The following NAALADL2 variants were observed in gnomAD, a reference collection of about 807,000 sequenced individuals.
The protein encoded by NAALADL2 is inactive N-acetylated-alpha-linked acidic dipeptidase-like protein 2.
Under a neutral mutation model 87.2 loss-of-function variants are expected in NAALADL2, and 76 were observed. The observed-to-expected ratio is 0.87, with a 90% CI of 0.72 to 1.05. NAALADL2 has a LOEUF of 1.05. Among genes scored for constraint, NAALADL2 ranks in the 50% least tolerant of loss-of-function variants. The pLI is 0.00. For missense variants in NAALADL2, 1,089 were observed against 945.8 expected (o/e 1.15, Z -1.99); for synonymous variants, 354 against 331.0 (o/e 1.07, Z -0.75).
At chr3:175,337,551 T>C (rs2148824531) in intron 5 of NAALADL2, among the ~76,000 whole-genome samples, 1 of 152,078 alleles carries the variant, frequency 6.6e-6, no homozygotes, top group East Asian at 1.9e-4. Flanking sequence ...AAAATATGGT[T>C]ATCTACAAGG....
chr3:175,173,120 G>A (rs1735107197), intron 2 of NAALADL2, among the ~76,000 whole-genome samples: 1 of 151,542 alleles, frequency 6.6e-6, no homozygotes, highest in Admixed American at 6.6e-5. Flanking sequence ...GCTAAACCTA[G>A]TCTCTACCCA....
rs183519383 is a variant in NAALADL2, at chr3:175,209,741, G to A, written c.546-24190G>A. On this transcript the variant is annotated intron_variant, in intron 2 of 13. Transcript: ENST00000454872. ...TATATACTTGGTGTATATTTATGAA[G>A]AGCAGAAGGTCCTCATAAATGATGG... Among the ~76,000 whole-genome samples the A allele has an allele frequency of 2.3e-3, 352 of 151,616 alleles. 2 individuals carry two copies. Among genetic ancestry groups the A allele is most frequent in the African/African-American group, 8.2e-3 (338 of 41,384 alleles).
intron 2 of NAALADL2, among the ~76,000 whole-genome samples, chr3:175,194,972 T>C (rs1339262914): frequency 6.6e-6 from 1 of 151,726 alleles, no homozygotes; most frequent in Non-Finnish European, 1.5e-5. Context: ...TTAATCAATG[T>C]AGTATTATTC....
At chr3:174,704,530 A>C (rs1729875283) in intron 2 of NAALADL2, among the ~76,000 whole-genome samples, 1 of 152,138 alleles carries the variant, frequency 6.6e-6, no homozygotes, top group African/African-American at 2.4e-5. Context: ...TCATAATACC[A>C]AAATAACTAA....
At position 175,809,740 on chromosome 3, in the gene NAALADL2, T is replaced by C. The variant is rs1043501130; in HGVS notation, c.*6537T>C. ...ACATGCTGTTGATAGTAGTTTTATA[T>C]GTATTTGGAATGTTAATATGGGACA... On this transcript the variant is annotated 3_prime_UTR_variant, in exon 14 of 14. Transcript: ENST00000454872. 2.6e-5 allele frequency: 4 copies of C among 151,888 alleles called. No individual in the cohort carries two copies. Among genetic ancestry groups the C allele is most frequent in the African/African-American group, 4.8e-5 (2 of 41,406 alleles). The allele number at this position is 151,888 out of a possible 1,614,324, so 9.4% of individuals were successfully genotyped here.
intron 1 of NAALADL2, among the ~76,000 whole-genome samples, chr3:174,965,375 C>T (rs1553905307): frequency 6.6e-6 from 1 of 152,030 alleles, no homozygotes; most frequent in Non-Finnish European, 1.5e-5. Flanking sequence ...TCACTTCTGT[C>T]CTATTCTATT....
intron 1 of NAALADL2, among the ~76,000 whole-genome samples, chr3:174,973,237 T>C (rs1228525548): frequency 6.6e-6 from 1 of 152,140 alleles, no homozygotes; most frequent in Non-Finnish European, 1.5e-5. Context: ...AACCAAAACA[T>C]TTTCAATTTT....
intron 1 of NAALADL2, among the ~76,000 whole-genome samples, chr3:174,940,274 G>A (rs1413641337): frequency 6.6e-6 from 1 of 152,102 alleles, no homozygotes; most frequent in African/African-American, 2.4e-5. Flanking sequence ...TAATCATGTG[G>A]TTTTTGTCTT....
rs1388555708 is a variant in NAALADL2, at chr3:174,531,916, TA to T, written c.-183-18652del. ...TTTACAAGAAATAAGGACTTGTCTG[TA>T]GAAATACATTTCAAAATATTAAAGT... On this transcript the variant is annotated intron_variant, in intron 1 of 3. Coordinates refer to the NAALADL2 transcript ENST00000434257. Among the ~76,000 whole-genome samples, 11 of 152,302 alleles carry T rather than the reference TA, an allele frequency of 7.2e-5. No homozygotes were observed. In the Middle Eastern group the frequency reaches 0.014, roughly 188 times the overall value.
intron 3 of NAALADL2, among the ~76,000 whole-genome samples, chr3:174,797,734 A>T (rs924557872): frequency 7.9e-5 from 12 of 152,188 alleles, no homozygotes; most frequent in Admixed American, 2.0e-4. Context: ...TCCAGCCTCC[A>T]GAAATGAGAG....
chr3:174,760,871 AC>A (rs1438268080), intron 3 of NAALADL2, among the ~76,000 whole-genome samples: 1 of 152,164 alleles, frequency 6.6e-6, no homozygotes, highest in Non-Finnish European at 1.5e-5. Context: ...TTTACTTCCA[AC>A]TTTTATTCTT....
intron 13 of NAALADL2, among the ~76,000 whole-genome samples, chr3:175,767,347 A>C (rs1748844548): frequency 6.6e-6 from 1 of 152,160 alleles, no homozygotes; most frequent in Admixed American, 6.5e-5. Context: ...TACATGATTT[A>C]ATGTGCAATT....
chr3:175,397,256 C>T (rs192178139), intron 5 of NAALADL2: 102 of 152,132 alleles, frequency 6.7e-4, no homozygotes, highest in Middle Eastern at 3.4e-3. Context: ...AAAAAATATG[C>T]TTCACAAATT....
At chr3:175,567,842 A>C (rs971334957) in intron 9 of NAALADL2, among the ~76,000 whole-genome samples, 6 of 151,624 alleles carry the variant, frequency 4.0e-5, no homozygotes, top group African/African-American at 1.5e-4. Flanking sequence ...CTACCTCCCG[A>C]GTAGCTGGGA....
At chr3:175,769,299 G>A (rs958748166) in intron 13 of NAALADL2, among the ~76,000 whole-genome samples, 1 of 152,130 alleles carries the variant, frequency 6.6e-6, no homozygotes, top group African/African-American at 2.4e-5. Flanking sequence ...TATTGGGAAG[G>A]AACACAGAAT....
Position 175,450,910 on chromosome 3 carries a change from G to T in NAALADL2, c.1234+3538G>T, listed in dbSNP as rs1278066526. Among the ~76,000 whole-genome samples, 4 of 152,066 alleles carry T rather than the reference G, an allele frequency of 2.6e-5. 1 individual carries two copies. Among genetic ancestry groups the T allele is most frequent in the African/African-American group, 7.2e-5 (3 of 41,408 alleles). ...GTGAACAAGAAACCATGTAGCTCTG[G>T]GATCTTTCTCTAGCCATCTTAAGAC... On this transcript the variant is annotated intron_variant, in intron 6 of 13. Transcript: ENST00000454872.
At chr3:174,668,550 T>G (rs1284443061) in intron 2 of NAALADL2, among the ~76,000 whole-genome samples, 1 of 152,134 alleles carries the variant, frequency 6.6e-6, no homozygotes, top group Non-Finnish European at 1.5e-5. Flanking sequence ...TAGGTATATC[T>G]CCAAATGCTA....
At chr3:174,724,766 T>C (rs1732029076) in intron 2 of NAALADL2, among the ~76,000 whole-genome samples, 2 of 152,242 alleles carry the variant, frequency 1.3e-5, no homozygotes, top group Admixed American at 6.5e-5. Context: ...TCTGATGGAA[T>C]AGTAGATCTA....
chr3:175,517,628 T>C (rs892808800), intron 9 of NAALADL2, among the ~76,000 whole-genome samples: 1 of 152,076 alleles, frequency 6.6e-6, no homozygotes, highest in Non-Finnish European at 1.5e-5. Flanking sequence ...ACAAAACAGG[T>C]AATGAAGTGG....
Sources: gnomAD v4.1 joint callset for allele counts (sites outside exome capture counted in the v4.1 genomes callset) on GRCh38, gnomAD v4.1.1 for gene constraint, MANE v1.5 for transcripts, NCBI Gene and HGNC (gene_info 2026-07-23, HGNC 2026-07-21) for gene names.